The following FHIT variants were observed in gnomAD, a reference collection of about 807,000 sequenced individuals.
FHIT encodes bis(5'-adenosyl)-triphosphatase.
In FHIT, 19 loss-of-function variants were observed where a neutral mutation model predicts 17.9. The ratio of observed to expected loss-of-function variants is 1.06; its 90% CI spans 0.74 to 1.56. The LOEUF is 1.56. Ranked by LOEUF, FHIT falls within the 40% of genes most tolerant of loss-of-function variation. The pLI, the probability that FHIT is intolerant of heterozygous loss-of-function variation, is 0.00. For missense variants in FHIT, 248 were observed against 189.2 expected (o/e 1.31, Z -1.82); for synonymous variants, 81 against 69.7 (o/e 1.16, Z -0.81).
intron 4 of FHIT, among the ~76,000 whole-genome samples, chr3:60,819,298 T>C (rs914038704): frequency 6.6e-6 from 1 of 152,156 alleles, no homozygotes; most frequent in Non-Finnish European, 1.5e-5. Flanking sequence ...GCCAAGTACA[T>C]GAGAAGACTT....
At position 60,324,786 on chromosome 3, in the gene FHIT, T is replaced by TA. The variant is rs1157514675; in HGVS notation, c.103+212073dup. ...TTGCTTCCTTTAAGGTAATCACTTT[T>TA]AACCCTCTTCTCATATTACTTGGCT... On this transcript the variant is annotated intron_variant, in intron 5 of 9. Coordinates refer to ENST00000492590, the MANE Select transcript of FHIT (RefSeq NM_002012.4). Among the ~76,000 whole-genome samples the TA allele has an allele frequency of 1.4e-4, 21 of 152,322 alleles. 1 individual carries two copies. The East Asian group carries it at 3.9e-3, about 28-fold the overall frequency.
chr3:60,768,663 C>G lies in FHIT; in HGVS notation c.-18+53256G>C, dbSNP rs144243235. The stretch of plus-strand genomic sequence containing the variant: ...CTCTACCTTTTGTGGTAAGGTGGGG[C>G]CATGTGACTAGTGCAGGCCAACGGG... On this transcript the variant is annotated intron_variant, in intron 4 of 9. Transcript: ENST00000492590. 1.4e-3 allele frequency among the ~76,000 whole-genome samples: 211 copies of G among 152,260 alleles called. 1 individual carries two copies. Among genetic ancestry groups the G allele is most frequent in the African/African-American group, 5.0e-3 (209 of 41,542 alleles).
chr3:60,484,527 C>A (rs907398187), intron 5 of FHIT, among the ~76,000 whole-genome samples: 1 of 152,110 alleles, frequency 6.6e-6, no homozygotes, highest in South Asian at 2.1e-4. Context: ...TCATCTATAA[C>A]CATCTGATCT....
At chr3:60,924,139 A>G (rs1707448047) in intron 3 of FHIT, among the ~76,000 whole-genome samples, 1 of 152,240 alleles carries the variant, frequency 6.6e-6, no homozygotes, top group Non-Finnish European at 1.5e-5. Context: ...GGGGCAGGGC[A>G]TAGACAAACA....
At chr3:59,924,383 T>G (rs1371944315) in intron 7 of FHIT, among the ~76,000 whole-genome samples, 1 of 152,168 alleles carries the variant, frequency 6.6e-6, no homozygotes, top group African/African-American at 2.4e-5. Flanking sequence ...TCCAGACCAG[T>G]GTCTTCCAGT....
At chr3:60,524,244 ACAC>A in intron 5 of FHIT, among the ~76,000 whole-genome samples, 1 of 126,618 alleles carries the variant, frequency 7.9e-6, no homozygotes, top group African/African-American at 2.7e-5. Flanking sequence ...ACACACACAC[ACAC>A]AAATAAATTA....
intron 5 of FHIT, among the ~76,000 whole-genome samples, chr3:60,458,043 G>C (rs867019740): frequency 1.3e-5 from 2 of 152,172 alleles, no homozygotes; most frequent in Admixed American, 6.5e-5. Context: ...CAGGGATCCA[G>C]AACTAGAAAT....
At chr3:60,388,120 C>T (rs1206496765) in intron 5 of FHIT, among the ~76,000 whole-genome samples, 1 of 152,156 alleles carries the variant, frequency 6.6e-6, no homozygotes, top group Non-Finnish European at 1.5e-5. Flanking sequence ...GCCGAATAAA[C>T]CCCTTTCTTA....
intron 5 of FHIT, among the ~76,000 whole-genome samples, chr3:60,021,292 GC>G (rs1700545272): frequency 6.6e-6 from 1 of 152,166 alleles, no homozygotes; most frequent in Non-Finnish European, 1.5e-5. Flanking sequence ...GCCCTGAGCT[GC>G]CCTCAAAACT....
intron 5 of FHIT, among the ~76,000 whole-genome samples, chr3:60,206,175 A>ATTATTG (rs1284421917): frequency 2.0e-5 from 3 of 149,248 alleles, no homozygotes; most frequent in African/African-American, 7.3e-5. Flanking sequence ...AATAATAATT[A>ATTATTG]TAACACTTAA....
intron 8 of FHIT, among the ~76,000 whole-genome samples, chr3:59,786,282 A>G: frequency 6.6e-6 from 1 of 152,176 alleles, no homozygotes; most frequent in East Asian, 1.9e-4. Flanking sequence ...CACCACTTAA[A>G]GTGTCAGAAT....
At chr3:60,624,073 G>C (rs953704675) in intron 4 of FHIT, among the ~76,000 whole-genome samples, 1 of 152,178 alleles carries the variant, frequency 6.6e-6, no homozygotes, top group African/African-American at 2.4e-5. Flanking sequence ...ATTCAAAAGG[G>C]CTGTTTAATC....
intron 1 of FHIT, among the ~76,000 whole-genome samples, chr3:61,216,119 C>G (rs2039666859): frequency 6.6e-6 from 1 of 152,100 alleles, no homozygotes; most frequent in African/African-American, 2.4e-5. Context: ...AAAGCAATGG[C>G]AACAAAAGCC....
chr3:60,565,237 G>A (rs79765898), intron 4 of FHIT, among the ~76,000 whole-genome samples: 1,911 of 152,246 alleles, frequency 0.013, 45 homozygotes, highest in African/African-American at 0.043. Context: ...TCACATGACT[G>A]ATTTATTGCG....
intron 2 of FHIT, among the ~76,000 whole-genome samples, chr3:61,124,528 T>G (rs1249029913): frequency 6.6e-6 from 1 of 152,136 alleles, no homozygotes; most frequent in South Asian, 2.1e-4. Context: ...GCTACCAACA[T>G]GATATCACTG....
At chr3:60,823,064 A>G (rs1701982419) in intron 3 of FHIT, among the ~76,000 whole-genome samples, 1 of 152,214 alleles carries the variant, frequency 6.6e-6, no homozygotes, top group African/African-American at 2.4e-5. Context: ...AAAGCAGATG[A>G]TCATTCATTT....
At chr3:61,213,914 C>T (rs906869336) in intron 1 of FHIT, among the ~76,000 whole-genome samples, 4 of 152,094 alleles carry the variant, frequency 2.6e-5, no homozygotes, top group Admixed American at 6.5e-5. Flanking sequence ...CTACTGGGTA[C>T]ATAACGAAAT....
intron 4 of FHIT, among the ~76,000 whole-genome samples, chr3:60,549,787 C>A (rs1340777713): frequency 6.6e-6 from 1 of 152,202 alleles, no homozygotes; most frequent in Admixed American, 6.5e-5. Context: ...AAAAGAAACA[C>A]TGTTCTCTTC....
intron 5 of FHIT, among the ~76,000 whole-genome samples, chr3:60,031,451 A>G (rs1033936951): frequency 3.9e-5 from 6 of 152,246 alleles, no homozygotes; most frequent in Admixed American, 3.3e-4. Context: ...ACAGAATCTG[A>G]ATCCAGCATA....
Sources: gnomAD v4.1 joint callset for allele counts (sites outside exome capture counted in the v4.1 genomes callset) on GRCh38, gnomAD v4.1.1 for gene constraint, MANE v1.5 for transcripts, NCBI Gene and HGNC (gene_info 2026-07-23, HGNC 2026-07-21) for gene names.